The following PALM2AKAP2 variants were observed in gnomAD, a reference collection of about 807,000 sequenced individuals.
The protein encoded by PALM2AKAP2 is PALM2-AKAP2 fusion protein.
In PALM2AKAP2, 37 loss-of-function variants were observed where a neutral mutation model predicts 71.5. The ratio of observed to expected loss-of-function variants is 0.52; its 90% CI spans 0.40 to 0.68. The LOEUF is 0.68. Among genes scored for constraint, PALM2AKAP2 ranks in the 30% least tolerant of loss-of-function variants. The pLI is 0.00. For missense variants in PALM2AKAP2, 1,224 were observed against 1,191.8 expected (o/e 1.03, Z -0.40); for synonymous variants, 468 against 478.8 (o/e 0.98, Z 0.29).
intron 1 of PALM2AKAP2, among the ~76,000 whole-genome samples, chr9:109,652,664 T>A (rs1486873154): frequency 6.6e-6 from 1 of 152,240 alleles, no homozygotes; most frequent in Admixed American, 6.5e-5. Flanking sequence ...TCAATCATGT[T>A]TATTTATTAA....
intron 1 of PALM2AKAP2, among the ~76,000 whole-genome samples, chr9:109,645,590 T>C (rs1369909298): frequency 6.6e-6 from 1 of 151,242 alleles, no homozygotes; most frequent in Non-Finnish European, 1.5e-5. Context: ...AATAAAATCA[T>C]GTCCTTTACA....
chr9:109,945,547 T>C (rs1319237569), intron 6 of PALM2AKAP2: 1 of 152,190 alleles, frequency 6.6e-6, no homozygotes, highest in East Asian at 1.9e-4. Flanking sequence ...CCTATTTACA[T>C]AGAGGGAGAA....
chr9:109,880,269 TA>T (rs1829816018), intron 2 of PALM2AKAP2, among the ~76,000 whole-genome samples: 1 of 152,196 alleles, frequency 6.6e-6, no homozygotes, highest in African/African-American at 2.4e-5. Flanking sequence ...TATGGGAAAA[TA>T]TGGCAAAATG....
chr9:109,767,436 CT>C (rs1294219556), intron 1 of PALM2AKAP2, among the ~76,000 whole-genome samples: 1 of 152,234 alleles, frequency 6.6e-6, no homozygotes, highest in Non-Finnish European at 1.5e-5. Flanking sequence ...CCATCTACCC[CT>C]ACCACACCAT....
intron 1 of PALM2AKAP2, among the ~76,000 whole-genome samples, chr9:109,794,013 A>G (rs1827183580): frequency 6.6e-6 from 1 of 152,202 alleles, no homozygotes; most frequent in African/African-American, 2.4e-5. Flanking sequence ...TGCTTTCTAC[A>G]TGGCGTATTT....
chr9:110,113,208 GTTGT>G (rs1052911338), intron 1 of PALM2AKAP2, among the ~76,000 whole-genome samples: 3 of 150,626 alleles, frequency 2.0e-5, no homozygotes, highest in African/African-American at 7.3e-5. Flanking sequence ...TTTTGTTGTT[GTTGT>G]TTGTCTTTTT....
chr9:109,781,100 C>T (rs1360113957), intron 1 of PALM2AKAP2, among the ~76,000 whole-genome samples: 1 of 152,174 alleles, frequency 6.6e-6, no homozygotes, highest in East Asian at 1.9e-4. Flanking sequence ...CAACTGGGTC[C>T]TGGTTATAAT....
At chr9:109,931,442 A>G (rs1170173523) in intron 5 of PALM2AKAP2, among the ~76,000 whole-genome samples, 2 of 152,254 alleles carry the variant, frequency 1.3e-5, no homozygotes, top group African/African-American at 2.4e-5. Flanking sequence ...TTTTGAATGA[A>G]TCAGGCTCAT....
At chr9:110,075,941 C>T (rs1453758179) in intron 1 of PALM2AKAP2, among the ~76,000 whole-genome samples, 1 of 151,822 alleles carries the variant, frequency 6.6e-6, no homozygotes, top group Non-Finnish European at 1.5e-5. Flanking sequence ...AGATATCATG[C>T]CCCTTTATAT....
At chr9:110,156,821 C>T (rs984527566) in intron 3 of PALM2AKAP2, among the ~76,000 whole-genome samples, 1 of 152,174 alleles carries the variant, frequency 6.6e-6, no homozygotes, top group Non-Finnish European at 1.5e-5. Flanking sequence ...TGCAAGTGCC[C>T]TGAAATCATC....
At chr9:110,064,129 A>G (rs1007063749) in intron 1 of PALM2AKAP2, among the ~76,000 whole-genome samples, 1 of 152,196 alleles carries the variant, frequency 6.6e-6, no homozygotes, top group African/African-American at 2.4e-5. Context: ...GATGGCTTAG[A>G]TGTTTACAAA....
intron 3 of PALM2AKAP2, among the ~76,000 whole-genome samples, chr9:110,165,124 G>A (rs770546561): frequency 3.9e-5 from 6 of 152,070 alleles, no homozygotes; most frequent in African/African-American, 4.8e-5. Flanking sequence ...CTAGTAGTGA[G>A]GATTCAAACA....
At chr9:109,969,445 G>C (rs1002429618) in intron 6 of PALM2AKAP2, among the ~76,000 whole-genome samples, 7 of 152,210 alleles carry the variant, frequency 4.6e-5, no homozygotes, top group African/African-American at 1.7e-4. Context: ...ACTTATGCAA[G>C]AAGTGCCACT....
At chr9:109,899,937 T>C (rs1031006149) in intron 3 of PALM2AKAP2, among the ~76,000 whole-genome samples, 4 of 152,248 alleles carry the variant, frequency 2.6e-5, no homozygotes, top group East Asian at 3.8e-4. Flanking sequence ...TTTTTTTCTC[T>C]ATCCTCCTCT....
rs554823999 is a variant in PALM2AKAP2 at position 109,692,082 on chromosome 9, A to T, written c.5+51216A>T. On this transcript the variant is annotated intron_variant, in intron 1 of 6. Coordinates refer to the PALM2AKAP2 transcript ENST00000374531. ...GTATTTAAATTTTTTTAAATTTTTAAAAAATTTTTAAATTGAGATATAATT... is the reference window on the plus strand; with the variant it reads ...GTATTTAAATTTTTTTAAATTTTTATAAAATTTTTAAATTGAGATATAATT... Among the ~76,000 whole-genome samples the T allele has an allele frequency of 1.2e-3, 176 of 150,456 alleles. 1 individual carries two copies. The highest frequency in any genetic ancestry group is 4.0e-3 in the African/African-American group (164 of 41,238).
At chr9:109,918,840 A>G (rs751286178) in intron 3 of PALM2AKAP2, among the ~76,000 whole-genome samples, 5 of 152,184 alleles carry the variant, frequency 3.3e-5, no homozygotes, top group Non-Finnish European at 5.9e-5. Flanking sequence ...CATTCATTGC[A>G]TTTGGGTTGA....
intron 1 of PALM2AKAP2, among the ~76,000 whole-genome samples, chr9:109,767,994 A>AAGGTGGGATGGAAG (rs1269841801): frequency 0.041 from 3,909 of 94,482 alleles, 153 homozygotes; most frequent in African/African-American, 0.1. Flanking sequence ...GGAAGGAGGG[A>AAGGTGGGATGGAAG]GCAAAGGCAG....
chr9:109,680,893 T>C (rs573359143), intron 1 of PALM2AKAP2, among the ~76,000 whole-genome samples: 4 of 152,256 alleles, frequency 2.6e-5, no homozygotes, highest in African/African-American at 9.6e-5. Flanking sequence ...TGAAAGTAAA[T>C]ATATAATTTT....
intron 1 of PALM2AKAP2, among the ~76,000 whole-genome samples, chr9:110,072,638 C>T (rs898147131): frequency 1.3e-5 from 2 of 152,080 alleles, no homozygotes; most frequent in African/African-American, 2.4e-5. Context: ...GGAGTAGTGT[C>T]TTGTTTGAGG....
Sources: gnomAD v4.1 joint callset for allele counts (sites outside exome capture counted in the v4.1 genomes callset) on GRCh38, gnomAD v4.1.1 for gene constraint, MANE v1.5 for transcripts, NCBI Gene and HGNC (gene_info 2026-07-23, HGNC 2026-07-21) for gene names.